The following LINGO2 variants were observed in gnomAD, a reference collection of about 807,000 sequenced individuals.
LINGO2 encodes the protein leucine-rich repeat and immunoglobulin-like domain-containing nogo receptor-interacting protein 2.
A neutral mutation model predicts 30.6 loss-of-function variants in LINGO2; 14 were observed. The observed-to-expected ratio is 0.46, with a 90% confidence interval of 0.30 to 0.72. The LOEUF (loss-of-function observed/expected upper bound fraction) is 0.72. Ranked by LOEUF, LINGO2 falls within the 30% of genes least tolerant of loss-of-function variation. The pLI is 0.07. For missense variants in LINGO2, 729 were observed against 751.7 expected (o/e 0.97, Z 0.35); for synonymous variants, 317 against 288.5 (o/e 1.10, Z -1.00).
chr9:28,345,329 T>C (rs1421901292), intron 3 of LINGO2, among the ~76,000 whole-genome samples: 1 of 152,214 alleles, frequency 6.6e-6, no homozygotes, highest in East Asian at 1.9e-4. Context: ...TTGTGAAATA[T>C]CTCCTTTGCC....
At chr9:28,043,226 C>T (rs1824271308) in intron 4 of LINGO2, among the ~76,000 whole-genome samples, 1 of 152,188 alleles carries the variant, frequency 6.6e-6, no homozygotes, top group South Asian at 2.1e-4. Flanking sequence ...GGAAACACTT[C>T]CTCAGACACA....
the LINGO2 span, among the ~76,000 whole-genome samples, chr9:28,730,197 T>A: frequency 6.6e-6 from 1 of 152,068 alleles, no homozygotes. Context: ...TAGCCAGTGA[T>A]CCAGCATAAG....
At chr9:28,149,074 G>A in intron 4 of LINGO2, 3 of 1,534,398 alleles carry the variant, frequency 2.0e-6, no homozygotes, top group Non-Finnish European at 2.6e-6. Flanking sequence ...CTGAGGCACT[G>A]TTGGTGGGTC....
intron 4 of LINGO2, among the ~76,000 whole-genome samples, chr9:28,048,074 C>T (rs1165957633): frequency 6.6e-6 from 1 of 150,650 alleles, no homozygotes; most frequent in Non-Finnish European, 1.5e-5. Context: ...CATGTACTGG[C>T]AGAAACACAA....
the LINGO2 span, among the ~76,000 whole-genome samples, chr9:28,837,649 A>AACATATATAT: frequency 4.0e-5 from 3 of 75,794 alleles, 1 homozygote; most frequent in Non-Finnish European, 7.5e-5. Context: ...CTCCGTCTAA[A>AACATATATAT]ATATATATAT....
the LINGO2 span, among the ~76,000 whole-genome samples, chr9:29,079,037 C>T: frequency 2.0e-4 from 30 of 151,920 alleles, no homozygotes; most frequent in African/African-American, 6.7e-4. Context: ...ACTAAAAGAT[C>T]GAGAGTACAA....
the LINGO2 span, among the ~76,000 whole-genome samples, chr9:29,033,477 T>C: frequency 1.3e-5 from 2 of 151,156 alleles, no homozygotes; most frequent in African/African-American, 4.9e-5. Context: ...GGGGTTGAAA[T>C]AGTTTAATAA....
At chr9:28,343,607 T>C (rs946816627) in intron 3 of LINGO2, among the ~76,000 whole-genome samples, 1 of 152,180 alleles carries the variant, frequency 6.6e-6, no homozygotes, top group Non-Finnish European at 1.5e-5. Flanking sequence ...CTGATTACAA[T>C]GACTCAATTA....
chr9:29,196,558 C>T, the LINGO2 span, among the ~76,000 whole-genome samples: 4 of 152,030 alleles, frequency 2.6e-5, 1 homozygote, highest in Admixed American at 6.6e-5. Context: ...CAAATGTCAC[C>T]GTTATATTGA....
chr9:28,323,930 A>T (rs1339568924), intron 3 of LINGO2, among the ~76,000 whole-genome samples: 2 of 152,216 alleles, frequency 1.3e-5, no homozygotes, highest in African/African-American at 4.8e-5. Flanking sequence ...AAAGACAGGT[A>T]GGTTAACGAA....
At chr9:29,028,943 AT>A in the LINGO2 span, among the ~76,000 whole-genome samples, 8 of 150,586 alleles carry the variant, frequency 5.3e-5, no homozygotes, top group East Asian at 3.9e-4. Flanking sequence ...GTGAAGATGA[AT>A]TTTTTTTTTA....
intron 4 of LINGO2, among the ~76,000 whole-genome samples, chr9:28,013,699 C>G (rs1399273712): frequency 6.6e-6 from 1 of 152,142 alleles, no homozygotes; most frequent in Non-Finnish European, 1.5e-5. Flanking sequence ...TCCTGGCTTG[C>G]TAATAAGAAG....
chr9:28,683,700 T>G, the LINGO2 span, among the ~76,000 whole-genome samples: 2 of 152,304 alleles, frequency 1.3e-5, no homozygotes, highest in East Asian at 3.9e-4. Context: ...ACAACCATGA[T>G]AAAAAATCTA....
chr9:27,966,226 G>A (rs956329769), intron 5 of LINGO2, among the ~76,000 whole-genome samples: 3 of 152,188 alleles, frequency 2.0e-5, no homozygotes, highest in East Asian at 1.9e-4. Context: ...TAAGGTAGAT[G>A]TTAAAGTCTG....
At chr9:28,497,727 G>A (rs1358024364) in intron 1 of LINGO2, among the ~76,000 whole-genome samples, 2 of 152,140 alleles carry the variant, frequency 1.3e-5, no homozygotes, top group African/African-American at 4.8e-5. Flanking sequence ...TGGAGGGGTA[G>A]AGGCACTCTG....
chr9:28,217,424 AG>A (rs1205819055), intron 4 of LINGO2, among the ~76,000 whole-genome samples: 10 of 152,136 alleles, frequency 6.6e-5, no homozygotes, highest in African/African-American at 1.4e-4. Context: ...CACAAAAAAA[AG>A]AAAAAGAAAA....
intron 3 of LINGO2, among the ~76,000 whole-genome samples, chr9:28,331,767 A>G (rs1368435875): frequency 1.3e-5 from 2 of 152,192 alleles, no homozygotes; most frequent in Non-Finnish European, 1.5e-5. Context: ...TGGCCTCCCC[A>G]AAATGATAGG....
chr9:28,598,427 A>AC (rs1225773082), intron 1 of LINGO2, among the ~76,000 whole-genome samples: 4 of 128,686 alleles, frequency 3.1e-5, no homozygotes, highest in Admixed American at 2.0e-4. Context: ...TCAAAAAAAA[A>AC]AAAAAAACAA....
chr9:28,956,537 T>C, the LINGO2 span, among the ~76,000 whole-genome samples: 3 of 151,786 alleles, frequency 2.0e-5, no homozygotes, highest in African/African-American at 7.3e-5. Flanking sequence ...GATGCTAACA[T>C]AATCAAGTTT....
Sources: allele counts gnomAD v4.1 joint callset (sites outside exome capture counted in the v4.1 genomes callset), GRCh38; gene constraint gnomAD v4.1.1; transcripts MANE v1.5; gene names NCBI Gene and HGNC (gene_info 2026-07-23, HGNC 2026-07-21).